The following MTMR3 variants were observed in gnomAD, a reference collection of about 807,000 sequenced individuals.
MTMR3 encodes the protein myotubularin related protein 3, also known as phosphatidylinositol-3,5-bisphosphate 3-phosphatase MTMR3.
MTMR3 carries 32 observed loss-of-function variants against 132.4 expected under a neutral mutation model. That is an observed-to-expected ratio of 0.24 (90% CI 0.18 to 0.32). The LOEUF (loss-of-function observed/expected upper bound fraction) is 0.32, where lower values mean the gene tolerates loss of function less well. Among genes scored for constraint, MTMR3 ranks in the 10% least tolerant of loss-of-function variants. MTMR3 has a pLI of 1.00. For synonymous variants in MTMR3, 556 were observed against 550.3 expected (o/e 1.01, Z -0.14); for missense variants, 1,216 against 1,489.6 (o/e 0.82, Z 3.02).
intron 15 of MTMR3, 198 bp from the exon 16 acceptor site, chr22:30,017,729 A>C (rs1358992084): frequency 3.8e-6 from 2 of 533,180 alleles, no homozygotes; most frequent in African/African-American, 2.0e-5. Context: ...TTAGGTGAAA[A>C]ATGTTGGCTA....
In MTMR3 at chr22:30,009,324, A is replaced by G. The variant is rs1224244955; in HGVS notation, c.1121+195A>G. The G allele has an allele frequency of 1.1e-5, 6 of 546,148 alleles. No homozygotes were observed. In the Admixed American group the frequency reaches 2.0e-4, roughly 18 times the overall value. The allele number at this position is 546,148 out of a possible 1,614,324, so 33.8% of individuals were successfully genotyped here. Reference sequence around the variant, plus strand: ...CTGGGTCTGAAATGTGGCAGCACAGAGGAAGAGTTGGGAGAAAATACAGCC... The same window carrying G: ...CTGGGTCTGAAATGTGGCAGCACAGGGGAAGAGTTGGGAGAAAATACAGCC... On this transcript the variant is annotated intron_variant, in intron 12 of 19. Transcript: ENST00000401950.
At chr22:29,989,066 A>G (rs2066910968) in intron 6 of MTMR3, 1 of 152,360 alleles carries the variant, frequency 6.6e-6, no homozygotes, top group Non-Finnish European at 1.5e-5. Context: ...TCTACTATAC[A>G]TGTTCCAATT....
At chr22:29,980,012 C>A (rs9625895) in intron 5 of MTMR3, 15,616 of 152,240 alleles carry the variant, frequency 0.1, 823 homozygotes, top group Middle Eastern at 0.14. Flanking sequence ...CATGTACTTA[C>A]AGCAAATGCC....
chr22:29,958,828 G>A (rs774871676), intron 2 of MTMR3, among the ~76,000 whole-genome samples: 7 of 152,210 alleles, frequency 4.6e-5, no homozygotes, highest in Non-Finnish European at 7.4e-5. Flanking sequence ...AGACTCCTGG[G>A]ATACCAATGC....
At chr22:30,007,740 A>T in intron 10 of MTMR3, 161 bp from the exon 11 acceptor site, 1 of 825,646 alleles carries the variant, frequency 1.2e-6, no homozygotes. Context: ...AGAAGGCCAC[A>T]TAGAAAAAAA....
intron 1 of MTMR3, among the ~76,000 whole-genome samples, chr22:29,912,510 A>T (rs1602458449): frequency 6.6e-6 from 1 of 152,246 alleles, no homozygotes; most frequent in East Asian, 1.9e-4. Flanking sequence ...TCTAGAACTC[A>T]AGCGATCCTC....
intron 2 of MTMR3, among the ~76,000 whole-genome samples, chr22:29,961,393 A>G (rs761475664): frequency 4.6e-5 from 7 of 152,182 alleles, no homozygotes; most frequent in East Asian, 1.9e-4. Flanking sequence ...GAACTGCCAT[A>G]TGTATATACT....
At chr22:29,894,076 C>T (rs994973143) in intron 1 of MTMR3, among the ~76,000 whole-genome samples, 19 of 152,064 alleles carry the variant, frequency 1.2e-4, no homozygotes, top group African/African-American at 3.9e-4. Flanking sequence ...AACTCCTGAC[C>T]GCAGGTGACC....
At chr22:29,939,904 G>C (rs575794523) in intron 1 of MTMR3, among the ~76,000 whole-genome samples, 1 of 152,146 alleles carries the variant, frequency 6.6e-6, no homozygotes, top group Non-Finnish European at 1.5e-5. Context: ...ATCTGTTCCT[G>C]CCCCACCCTA....
intron 5 of MTMR3, chr22:29,986,711 T>C (rs2066865472): frequency 2.1e-6 from 1 of 467,592 alleles, no homozygotes; most frequent in Non-Finnish European, 2.8e-6. Flanking sequence ...TTGCCCAGGC[T>C]GGTGTGCAAT....
intron 7 of MTMR3, chr22:29,995,912 A>T (rs998912166): frequency 6.6e-6 from 1 of 152,256 alleles, no homozygotes; most frequent in Admixed American, 6.5e-5. Context: ...GGGTCATGAA[A>T]TCTAATTTTA....
chr22:29,950,881 A>T (rs1238595764), intron 1 of MTMR3, among the ~76,000 whole-genome samples: 1 of 137,402 alleles, frequency 7.3e-6, no homozygotes, highest in South Asian at 2.1e-4. Context: ...GGCCGGGCGC[A>T]GTGGCTTACG....
rs549335562 is a variant in MTMR3 at position 29,945,999 on chromosome 22, ACT to A, written c.-137-11036_-137-11035del. Among the ~76,000 whole-genome samples, 678 of 134,920 alleles carry A rather than the reference ACT, an allele frequency of 5.0e-3. 6 individuals carry two copies. The highest frequency in any genetic ancestry group is 0.019 in the African/African-American group (640 of 34,258). The allele number at this position is 134,920 out of a possible 152,430, so 88.5% of individuals were successfully genotyped here. Reference sequence around the variant, plus strand: ...GTTATGTTATAAATTCAATTGTAAAACTTGTGTGTGTGTGTATATATTTGTGT... The same window carrying A: ...GTTATGTTATAAATTCAATTGTAAAATGTGTGTGTGTGTATATATTTGTGT... On this transcript the variant is annotated intron_variant, in intron 1 of 19. Coordinates refer to ENST00000401950, the MANE Select transcript of MTMR3 (RefSeq NM_021090.4).
intron 1 of MTMR3, among the ~76,000 whole-genome samples, chr22:29,926,288 C>T (rs551867030): frequency 2.8e-4 from 43 of 152,204 alleles, no homozygotes; most frequent in African/African-American, 7.2e-4. Context: ...TTTGTTCATC[C>T]GTCAGTGATC....
chr22:30,020,538 A>G lies in MTMR3; in HGVS notation c.2879A>G (p.Asn960Ser), dbSNP rs41278853. 0.078 allele frequency: 126,190 copies of G among 1,614,106 alleles called. 5,624 individuals carry two copies. Among genetic ancestry groups the G allele is most frequent in the Non-Finnish European group, 0.089 (104,856 of 1,180,010 alleles). ...MYPTPNGHCA[N>S]GEAGRSKDSL... Reference sequence around the variant, plus strand: ...CCCACACCCAATGGGCATTGCGCCAATGGGGAGGCTGGTAGGAGCAAGGAC... The same window carrying G: ...CCCACACCCAATGGGCATTGCGCCAGTGGGGAGGCTGGTAGGAGCAAGGAC... Residue 960 changes from asparagine to serine, a missense_variant, in exon 17 of 20, where the codon AAT (asparagine) becomes AGT (serine). Asn to Ser is a conservative substitution (Grantham distance 46). Transcript: ENST00000401950.
At chr22:29,909,450 G>A (rs777482027) in intron 1 of MTMR3, among the ~76,000 whole-genome samples, 22 of 152,056 alleles carry the variant, frequency 1.4e-4, no homozygotes, top group Non-Finnish European at 3.2e-4. Flanking sequence ...GTTTAAACTT[G>A]CATCTGTAAA....
intron 1 of MTMR3, among the ~76,000 whole-genome samples, chr22:29,930,003 C>T (rs2065609638): frequency 6.6e-6 from 1 of 152,088 alleles, no homozygotes; most frequent in Non-Finnish European, 1.5e-5. Context: ...AGATTGGGTT[C>T]CAGACACATA....
At chr22:29,906,698 CT>C (rs978948044) in intron 1 of MTMR3, among the ~76,000 whole-genome samples, 4 of 152,126 alleles carry the variant, frequency 2.6e-5, no homozygotes, top group Non-Finnish European at 4.4e-5. Flanking sequence ...GAGCTAGGAG[CT>C]TTTTCATTCC....
intron 1 of MTMR3, among the ~76,000 whole-genome samples, chr22:29,921,245 G>A (rs983362363): frequency 2.5e-4 from 38 of 152,210 alleles, no homozygotes; most frequent in African/African-American, 8.9e-4. Flanking sequence ...GTGGCGAGGG[G>A]CAGCAAAAGA....
Sources: gnomAD v4.1 joint callset for allele counts (sites outside exome capture counted in the v4.1 genomes callset) on GRCh38, gnomAD v4.1.1 for gene constraint, MANE v1.5 for transcripts, NCBI Gene and HGNC (gene_info 2026-07-23, HGNC 2026-07-21) for gene names.